The following CPEB1 variants were observed in gnomAD, a reference collection of about 807,000 sequenced individuals.
CPEB1 encodes the protein cytoplasmic polyadenylation element binding protein 1.
In CPEB1, 7 loss-of-function variants were observed where a neutral mutation model predicts 65.8. That is an observed-to-expected ratio of 0.11 (90% CI 0.06 to 0.20). The LOEUF is 0.20. Ranked by LOEUF, CPEB1 falls within the 10% of genes least tolerant of loss-of-function variation. The pLI, the probability that CPEB1 is intolerant of heterozygous loss-of-function variation, is 1.00. For synonymous variants in CPEB1, 262 were observed against 260.0 expected (o/e 1.01, Z -0.08); for missense variants, 551 against 712.2 (o/e 0.77, Z 2.58).
chr15:82,640,960 A>G (rs1314520678), intron 1 of CPEB1: 1 of 152,178 alleles, frequency 6.6e-6, no homozygotes. Flanking sequence ...TTTCAAGTAC[A>G]ATAAGAGACC....
intron 4 of CPEB1, among the ~76,000 whole-genome samples, chr15:82,569,921 G>C (rs903509984): frequency 2.0e-5 from 3 of 152,136 alleles, no homozygotes; most frequent in Non-Finnish European, 4.4e-5. Flanking sequence ...TTGGCGTCAA[G>C]AACACACAAA....
At chr15:82,591,674 A>G (rs945801482) in intron 3 of CPEB1, among the ~76,000 whole-genome samples, 10 of 152,028 alleles carry the variant, frequency 6.6e-5, no homozygotes, top group African/African-American at 2.2e-4. Context: ...TCAGGACACT[A>G]TCATTTCCCT....
chr15:82,613,887 G>A (rs912108427), intron 3 of CPEB1, among the ~76,000 whole-genome samples: 4 of 152,026 alleles, frequency 2.6e-5, no homozygotes, highest in African/African-American at 9.7e-5. Flanking sequence ...TGCCCCCCTG[G>A]GACAGCCCGG....
At chr15:82,647,416 C>T, upstream of CPEB1, 1 of 156,462 alleles carries the variant, frequency 6.4e-6, no homozygotes, top group Non-Finnish European at 1.4e-5. Flanking sequence ...GCCCCCACCG[C>T]GCGCCGGGTG....
At chr15:82,546,394 C>T in intron 12 of CPEB1, 47 bp downstream of exon 12, 2 of 1,538,398 alleles carry the variant, frequency 1.3e-6, no homozygotes, top group Non-Finnish European at 1.8e-6. Context: ...CGCGCCCAGC[C>T]AACAATTTTT....
intron 4 of CPEB1, among the ~76,000 whole-genome samples, chr15:82,563,875 T>G (rs2038661727): frequency 6.6e-6 from 1 of 152,172 alleles, no homozygotes; most frequent in Non-Finnish European, 1.5e-5. Flanking sequence ...CCCATTTGGC[T>G]TTCTTTGCCT....
In CPEB1 at chr15:82,546,111, A is replaced by G. The variant is rs371153909; in HGVS notation, c.1656+330T>C. Reference sequence around the variant, plus strand: ...CAACATTCAATGTCATGAACTTGGCATAACAATTTTTTTTTTTTGACACGG... The same window carrying G: ...CAACATTCAATGTCATGAACTTGGCGTAACAATTTTTTTTTTTTGACACGG... On this transcript the variant is annotated intron_variant, in intron 12 of 12. Transcript: ENST00000684509. Among the ~76,000 whole-genome samples, 490 of 152,168 alleles carry G rather than the reference A, an allele frequency of 3.2e-3. 4 individuals carry two copies. The highest frequency in any genetic ancestry group is 0.011 in the African/African-American group (467 of 41,526).
At chr15:82,577,455 A>G (rs1340360383) in intron 3 of CPEB1, among the ~76,000 whole-genome samples, 1 of 152,214 alleles carries the variant, frequency 6.6e-6, no homozygotes, top group African/African-American at 2.4e-5. Flanking sequence ...TCTTTTAAGT[A>G]TACTGAATTA....
At chr15:82,603,689 C>T (rs1306032169) in intron 3 of CPEB1, among the ~76,000 whole-genome samples, 1 of 152,102 alleles carries the variant, frequency 6.6e-6, no homozygotes, top group Non-Finnish European at 1.5e-5. Flanking sequence ...GACTGGGAAA[C>T]TTACTGGTTC....
intron 4 of CPEB1, among the ~76,000 whole-genome samples, chr15:82,563,668 G>A (rs139323537): frequency 1.3e-5 from 2 of 151,916 alleles, no homozygotes; most frequent in Admixed American, 1.3e-4. Flanking sequence ...TAATGATTCA[G>A]AAAACAATTA....
At chr15:82,599,896 T>C (rs1395544957) in intron 3 of CPEB1, among the ~76,000 whole-genome samples, 1 of 151,564 alleles carries the variant, frequency 6.6e-6, no homozygotes, top group African/African-American at 2.4e-5. Flanking sequence ...CCAAAATGTA[T>C]ACAATACATA....
Position 82,627,241 on chromosome 15 carries a change from T to C in CPEB1, c.223A>G (p.Arg75Gly). Residue 75 changes from arginine (R) to glycine (G), a missense_variant, in exon 3 of 13, where the codon AGA becomes GGA. Around this residue, in one of 6 missense-constraint regions of CPEB1, gnomAD observed 223 missense variants for 228.6 expected, o/e 0.98. Coordinates refer to ENST00000684509, the MANE Select transcript of CPEB1 (RefSeq NM_001365242.1). Reference protein sequence around the residue: ...AILDNSLDFSRVCTTPINRGI... With the variant: ...AILDNSLDFSGVCTTPINRGI... ...CGGTTTATAGGTGTAGTGCAGACTCTACTGAAATCCAGAGAATTATCCAAT... is the reference window on the plus strand; with the variant it reads ...CGGTTTATAGGTGTAGTGCAGACTCCACTGAAATCCAGAGAATTATCCAAT... The C allele has an allele frequency of 6.2e-7, 1 of 1,613,850 alleles. No individual in the cohort carries two copies. The highest frequency in any genetic ancestry group is 1.1e-5 in the South Asian group (1 of 91,034).
At chr15:82,648,753 C>T (rs587766943), upstream of CPEB1, 2 of 152,436 alleles carry the variant, frequency 1.3e-5, no homozygotes, top group East Asian at 3.9e-4. Flanking sequence ...GCGGCTCCCT[C>T]TGACCAGGAC....
At chr15:82,610,978 A>AG (rs2044090728) in intron 3 of CPEB1, among the ~76,000 whole-genome samples, 1 of 147,832 alleles carries the variant, frequency 6.8e-6, no homozygotes, top group Non-Finnish European at 1.5e-5. Context: ...AAAAAAAAAA[A>AG]AAAAAAAAAA....
chr15:82,570,051 C>T (rs1395783150), intron 4 of CPEB1, among the ~76,000 whole-genome samples: 2 of 152,198 alleles, frequency 1.3e-5, no homozygotes, highest in African/African-American at 4.8e-5. Flanking sequence ...AAGGCCAGTA[C>T]TTCAAGAAAC....
Position 82,552,491 on chromosome 15 carries a change from G to A in CPEB1, c.1270C>T (p.Arg424Cys), listed in dbSNP as rs373879261. ...TCACGCTAACTCACCTCCTTGCAGC[G>A]CATCCTTCGGCTGGACATCTTGAAA... The part of the protein sequence containing the change: ...YYFKMSSRRM[R>C]CKEVQVIPWV... Residue 424 changes from arginine (R) to cysteine (C), a missense_variant, in exon 9 of 13, where the codon CGC becomes TGC. Transcript: ENST00000684509. 9 of 1,581,606 alleles carry A rather than the reference G, an allele frequency of 5.7e-6. No homozygotes were observed. Among genetic ancestry groups the A allele is most frequent in the South Asian group, 1.2e-5 (1 of 85,108 alleles).
At chr15:82,582,776 C>T (rs1397585093) in intron 3 of CPEB1, among the ~76,000 whole-genome samples, 1 of 123,794 alleles carries the variant, frequency 8.1e-6, no homozygotes, top group Non-Finnish European at 1.6e-5. Flanking sequence ...CAGTCTCACT[C>T]TGTTGCCCCG....
rs587753202 is a variant in CPEB1 at position 82,646,594 on chromosome 15, G to C, written c.-98+543C>G. On this transcript the variant is annotated intron_variant, in intron 1 of 12. Transcript: ENST00000684509. The stretch of plus-strand genomic sequence containing the variant: ...AGGGGCCAGGGCTGCAGGGAGCAAA[G>C]TGCCCCCGAAAAATAAGCGCGCGCC... Among the ~76,000 whole-genome samples the C allele has an allele frequency of 4.6e-5, 7 of 152,274 alleles. No individual in the cohort carries two copies. In the South Asian group the frequency reaches 1.2e-3, roughly 27 times the overall value.
intron 3 of CPEB1, among the ~76,000 whole-genome samples, chr15:82,603,424 T>C (rs1335852229): frequency 1.3e-5 from 2 of 150,742 alleles, no homozygotes; most frequent in Non-Finnish European, 2.9e-5. Flanking sequence ...TAGGCAACAG[T>C]TTAGGAACTC....
Sources: allele counts gnomAD v4.1 joint callset (sites outside exome capture counted in the v4.1 genomes callset), GRCh38; gene constraint gnomAD v4.1.1; regional missense constraint gnomAD v4.1.1; transcripts MANE v1.5; gene names NCBI Gene and HGNC (gene_info 2026-07-23, HGNC 2026-07-21).